XPC: variants seen among roughly 807,000 people sequenced by gnomAD.
XPC encodes DNA repair protein complementing XP-C cells.
A neutral mutation model predicts 95.8 loss-of-function variants in XPC; 76 were observed. The observed-to-expected ratio is 0.79, with a 90% CI of 0.66 to 0.96. The LOEUF (loss-of-function observed/expected upper bound fraction) is 0.96, where lower values mean the gene tolerates loss of function less well. XPC is among the 40% of genes least tolerant of loss of function. The pLI is 0.00. For missense variants in XPC, 1,146 were observed against 1,179.8 expected (o/e 0.97, Z 0.42); for synonymous variants, 442 against 442.1 (o/e 1.00, Z 0.00).
At chr3:14,159,655 T>TA in intron 8 of XPC, 86 bp downstream of exon 8, 1 of 1,351,036 alleles carries the variant, frequency 7.4e-7, no homozygotes, top group South Asian at 1.3e-5. Flanking sequence ...TACCAGCTCT[T>TA]AAAAAATATA....
chr3:14,178,378 C>A, intron 1 of XPC, 88 bp downstream of exon 1: 2 of 1,419,910 alleles, frequency 1.4e-6, no homozygotes, highest in East Asian at 5.0e-5. Context: ...CTCCACCAGG[C>A]CTCCGCGTCT....
At chr3:14,174,740 A>G (rs571430648) in intron 1 of XPC, among the ~76,000 whole-genome samples, 45 of 152,312 alleles carry the variant, frequency 3.0e-4, no homozygotes, top group African/African-American at 1.1e-3. Context: ...TTACTCATGC[A>G]AAGTTGATTT....
In XPC at chr3:14,161,054, A is replaced by G. The variant is rs540916131; in HGVS notation, c.901-1224T>C. 1.2e-4 allele frequency among the ~76,000 whole-genome samples: 18 copies of G among 152,362 alleles called. No homozygotes were observed. In the South Asian group the frequency reaches 3.1e-3, roughly 26 times the overall value. On this transcript the variant is annotated intron_variant, in intron 7 of 15. Coordinates refer to ENST00000285021, the MANE Select transcript of XPC (RefSeq NM_004628.5). Reference sequence around the variant, plus strand: ...TTGCTGAGGAAAAAAATCAGGTTACAGAACTGTACGATCCCTACAAATTAG... The same window carrying G: ...TTGCTGAGGAAAAAAATCAGGTTACGGAACTGTACGATCCCTACAAATTAG...
rs978709203 is a variant in XPC, at chr3:14,165,322, T to C, written c.779+106A>G. 3.7e-5 allele frequency: 51 copies of C among 1,377,990 alleles called. 1 individual carries two copies. Among genetic ancestry groups the C allele is most frequent in the East Asian group, 3.0e-4 (12 of 39,546 alleles). 85.4% of individuals were successfully genotyped at this position (1,377,990 alleles called of 1,614,324 possible). A position where few individuals can be genotyped will look rare whatever the true frequency, so the allele number is the denominator to read the frequency against. Reference sequence around the variant, plus strand: ...AATGCCATGCCCACCACCTGATACATAGTTACCGCCTCAGGGAAGGTCTGT... The same window carrying C: ...AATGCCATGCCCACCACCTGATACACAGTTACCGCCTCAGGGAAGGTCTGT... On this transcript the variant is annotated intron_variant, in intron 6 of 15. Transcript: ENST00000285021.
chr3:14,146,045 T>G lies in XPC; in HGVS notation c.2719A>C (p.Asn907His). The part of the protein sequence containing the change: ...ARILAASWPQ[N>H]REDEEKQKLK... ...TTCTGCTTTTCTTCATCTTCTCGGTTTTGAGGCCAGGAGGCAGCCAGTATC... is the reference window on the plus strand; with the variant it reads ...TTCTGCTTTTCTTCATCTTCTCGGTGTTGAGGCCAGGAGGCAGCCAGTATC... Residue 907 changes from asparagine to histidine, a missense_variant, in exon 16 of 16, where the codon AAC becomes CAC. By Grantham distance (68) the Asn-to-His change is moderately conservative. Transcript: ENST00000285021. The G allele has an allele frequency of 6.2e-7, 1 of 1,612,814 alleles. No homozygotes were observed. Among genetic ancestry groups the G allele is most frequent in the Non-Finnish European group, 8.5e-7 (1 of 1,179,462 alleles).
intron 11 of XPC, among the ~76,000 whole-genome samples, chr3:14,150,702 T>G (rs1695652745): frequency 6.6e-6 from 1 of 152,072 alleles, no homozygotes; most frequent in Non-Finnish European, 1.5e-5. Flanking sequence ...GAACAGGAGC[T>G]CAGAGGCAAG....
At position 14,168,341 on chromosome 3, in the gene XPC, G is replaced by A. The variant is rs757486798; in HGVS notation, c.452C>T (p.Thr151Ile). 1.2e-5 allele frequency: 19 copies of A among 1,613,720 alleles called. No homozygotes were observed. In the East Asian group the frequency reaches 3.8e-4, roughly 32 times the overall value. ...EPVLGDVRESTAFSRSLLPVK... is the reference protein window; with the variant it reads ...EPVLGDVRESIAFSRSLLPVK... ...AGGCAGAAGAGATCGAGAGAAGGCT[G>A]TACTTTCTCTCACGTCACCCAGCAC... The change falls in exon 4 of 16, where the codon ACA becomes ATA. Residue 151 changes from threonine to isoleucine, a missense_variant. Thr to Ile is a moderately conservative substitution (Grantham distance 89). Coordinates refer to ENST00000285021, the MANE Select transcript of XPC (RefSeq NM_004628.5).
intron 10 of XPC, among the ~76,000 whole-genome samples, chr3:14,155,228 G>A (rs1695853726): frequency 6.6e-6 from 1 of 152,112 alleles, no homozygotes; most frequent in South Asian, 2.1e-4. Context: ...ATCCCCAGTG[G>A]GAGGACTCAA....
At chr3:14,165,034 G>A (rs940569535) in intron 6 of XPC, 101 bp from the exon 7 acceptor site, 18 of 1,463,604 alleles carry the variant, frequency 1.2e-5, no homozygotes, top group Middle Eastern at 1.9e-4. Flanking sequence ...CGTGAGACCC[G>A]CCTGCCTCTG....
At chr3:14,147,887 C>G in intron 14 of XPC, 21 bp downstream of exon 14, 1 of 1,577,240 alleles carries the variant, frequency 6.3e-7, no homozygotes, top group Non-Finnish European at 8.6e-7. Flanking sequence ...TGCTGTCCCT[C>G]AGTCCTGCAT....
At chr3:14,147,858 G>A (rs1373534469) in intron 14 of XPC, 50 bp downstream of exon 14, 2 of 1,521,866 alleles carry the variant, frequency 1.3e-6, no homozygotes, top group East Asian at 2.4e-5. Context: ...GCCACCCGCT[G>A]AGTGTTGCTT....
chr3:14,178,373 C>T (rs1696926850), intron 1 of XPC, 93 bp downstream of exon 1: 2 of 1,400,974 alleles, frequency 1.4e-6, no homozygotes, highest in Admixed American at 2.7e-5. Flanking sequence ...GCAACCTCCA[C>T]CAGGCCTCCG....
intron 7 of XPC, among the ~76,000 whole-genome samples, chr3:14,160,095 T>A (rs763625223): frequency 1.3e-5 from 2 of 152,198 alleles, no homozygotes; most frequent in South Asian, 4.1e-4. Flanking sequence ...TACATTTTTA[T>A]AAGAAAAATA....
At chr3:14,174,126 T>C (rs926962746) in intron 1 of XPC, among the ~76,000 whole-genome samples, 3 of 152,194 alleles carry the variant, frequency 2.0e-5, no homozygotes, top group Non-Finnish European at 4.4e-5. Flanking sequence ...GGAGCATTTA[T>C]TTTAATGTTA....
intron 2 of XPC, among the ~76,000 whole-genome samples, chr3:14,171,309 CTAA>C (rs936937658): frequency 6.6e-6 from 1 of 152,166 alleles, no homozygotes; most frequent in Non-Finnish European, 1.5e-5. Context: ...ATCTTGAGCT[CTAA>C]TAATACACTC....
At chr3:14,152,503 G>T (rs1439215409) in intron 10 of XPC, 87 bp from the exon 11 acceptor site, 1 of 1,325,818 alleles carries the variant, frequency 7.5e-7, no homozygotes. Context: ...AGCCCTGCAG[G>T]CTCCCTCCTC....
intron 7 of XPC, among the ~76,000 whole-genome samples, chr3:14,160,328 A>C (rs988793947): frequency 1.3e-5 from 2 of 152,218 alleles, no homozygotes; most frequent in Non-Finnish European, 2.9e-5. Flanking sequence ...CCTGTTTTCC[A>C]ATTTTCCCCA....
rs35629274 is a variant in XPC, at chr3:14,164,853, A to C, written c.860T>G (p.Phe287Cys). 1.1e-3 allele frequency: 1,756 copies of C among 1,613,286 alleles called. 20 individuals carry two copies. In the African/African-American group the frequency reaches 0.021, roughly 19 times the overall value. The change falls in exon 7 of 16, where the codon TTT (phenylalanine) becomes TGT (cysteine). Residue 287 changes from phenylalanine (F) to cysteine (C), a missense_variant. Coordinates refer to ENST00000285021, the MANE Select transcript of XPC (RefSeq NM_004628.5). ...ATCATCTCGAGCAGAGTAAATAGCA[A>C]ATCTCCTTTCCAATGTAGTCTGCAG... ...DNLQTTLERR[F>C]AIYSARDDEE...
In XPC at chr3:14,165,314, C is replaced by T; in HGVS notation, c.779+114G>A. The T allele has an allele frequency of 2.2e-6, 3 of 1,355,820 alleles. No homozygotes were observed. The East Asian group carries it at 7.6e-5, about 34-fold the overall frequency. The allele number at this position is 1,355,820 out of a possible 1,614,324, so 84.0% of individuals were successfully genotyped here. On this transcript the variant is annotated intron_variant, in intron 6 of 15. Transcript: ENST00000285021. ...CTATCTTCAATGCCATGCCCACCAC[C>T]TGATACATAGTTACCGCCTCAGGGA...
Sources: allele counts gnomAD v4.1 joint callset (sites outside exome capture counted in the v4.1 genomes callset), GRCh38; gene constraint gnomAD v4.1.1; transcripts MANE v1.5; gene names NCBI Gene and HGNC (gene_info 2026-07-23, HGNC 2026-07-21).